Variants in COL10A1 observed in about 807,000 individuals in gnomAD.
COL10A1 encodes collagen type X alpha 1 chain, also known as collagen alpha-1(X) chain.
A neutral mutation model predicts 18.2 loss-of-function variants in COL10A1; 10 were observed. The ratio of observed to expected loss-of-function variants is 0.55; its 90% confidence interval spans 0.34 to 0.93. The LOEUF (loss-of-function observed/expected upper bound fraction) is 0.93, where lower values mean the gene tolerates loss of function less well. Among genes scored for constraint, COL10A1 ranks in the 40% least tolerant of loss-of-function variants. The pLI is 0.02. For synonymous variants in COL10A1, 330 were observed against 316.6 expected (o/e 1.04, Z -0.45); for missense variants, 897 against 853.5 (o/e 1.05, Z -0.64).
In COL10A1 at chr6:116,120,074, C is replaced by G; in HGVS notation, c.2042G>C (p.Ter681SerextTer7). The G allele has an allele frequency of 6.2e-7, 1 of 1,606,036 alleles. No individual in the cohort carries two copies. Among genetic ancestry groups the G allele is most frequent in the Non-Finnish European group, 8.5e-7 (1 of 1,173,604 alleles). The change falls in exon 3 of 3, where the codon TGA (stop) becomes TCA (serine). Residue 681 changes from the stop codon to serine, a stop_lost. Coordinates refer to ENST00000651968, the MANE Select transcript of COL10A1 (RefSeq NM_000493.4). ...GATTTAGATTAGCTCTGTGTGTACT[C>G]ACATTGGAGCCACTAGGAATCCTGA... is the stretch of plus-strand genomic sequence containing the variant. ...SFSGFLVAPM* is the reference protein window; with the variant it reads ...SFSGFLVAPMS
chr6:116,180,605 A>ACATT, the COL10A1 span, among the ~76,000 whole-genome samples: 1 of 152,102 alleles, frequency 6.6e-6, no homozygotes, highest in Admixed American at 6.6e-5. Flanking sequence ...AATAAGAAAT[A>ACATT]CATTCTCTAT....
chr6:116,128,558 T>C (rs1463668045), upstream of COL10A1, among the ~76,000 whole-genome samples: 3 of 152,200 alleles, frequency 2.0e-5, no homozygotes, highest in Admixed American at 1.3e-4. Flanking sequence ...AGCTTGCCTA[T>C]TCATTTGTAC....
chr6:116,156,853 C>G (rs1780207150), intron 1 of COL10A1, among the ~76,000 whole-genome samples: 1 of 152,122 alleles, frequency 6.6e-6, no homozygotes, highest in Admixed American at 6.5e-5. Context: ...ACCCCACGGC[C>G]CCATTACATC....
chr6:116,149,100 A>G (rs1779969457), intron 1 of COL10A1, among the ~76,000 whole-genome samples: 1 of 152,126 alleles, frequency 6.6e-6, no homozygotes, highest in Non-Finnish European at 1.5e-5. Context: ...TCATGGATAA[A>G]TTCAAGTGGA....
At chr6:116,124,594 G>A (rs905752541) in intron 2 of COL10A1, among the ~76,000 whole-genome samples, 1 of 152,190 alleles carries the variant, frequency 6.6e-6, no homozygotes, top group African/African-American at 2.4e-5. Flanking sequence ...AGAAGTAATA[G>A]CAACACTTAA....
At chr6:116,170,414 G>A in the COL10A1 span, among the ~76,000 whole-genome samples, 1 of 152,082 alleles carries the variant, frequency 6.6e-6, no homozygotes, top group Admixed American at 6.5e-5. Context: ...AGATTATCTA[G>A]CCACCATTTA....
rs1215472240 is a variant in COL10A1 at position 116,148,533 on chromosome 6, AT to A, written c.-16+10080del. On this transcript the variant is annotated intron_variant, in intron 1 of 1. Transcript: ENST00000418500. ...CTTAGGATCGTCACTGTGGATGTTG[AT>A]TTTCATTGTACTCAGAATGTGAACA... Among the ~76,000 whole-genome samples, 3 of 152,110 alleles carry A rather than the reference AT, an allele frequency of 2.0e-5. No homozygotes were observed. The East Asian group carries it at 5.8e-4, about 29-fold the overall frequency.
upstream of COL10A1, among the ~76,000 whole-genome samples, chr6:116,163,001 C>G (rs1002470819): frequency 2.6e-5 from 4 of 151,278 alleles, no homozygotes; most frequent in Non-Finnish European, 4.4e-5. Flanking sequence ...GCGGCAGGCA[C>G]TTATAGTCCC....
At chr6:116,130,820 A>G (rs1357130567), upstream of COL10A1, among the ~76,000 whole-genome samples, 11 of 152,088 alleles carry the variant, frequency 7.2e-5, no homozygotes, top group Non-Finnish European at 2.9e-5. Context: ...TCATTTGTTT[A>G]TTCCATGATA....
chr6:116,210,539 A>C, the COL10A1 span, among the ~76,000 whole-genome samples: 1 of 151,998 alleles, frequency 6.6e-6, no homozygotes, highest in African/African-American at 2.4e-5. Flanking sequence ...GCCTCTCTGT[A>C]TCTCGGATTT....
chr6:116,150,704 G>T (rs1780018128), intron 1 of COL10A1, among the ~76,000 whole-genome samples: 1 of 152,120 alleles, frequency 6.6e-6, no homozygotes, highest in African/African-American at 2.4e-5. Flanking sequence ...CAGTATTTTT[G>T]TAAGCTAGTT....
At position 116,151,605 on chromosome 6, in the gene COL10A1, G is replaced by A. The variant is rs189297159; in HGVS notation, c.-16+7009C>T. 2.6e-3 allele frequency among the ~76,000 whole-genome samples: 395 copies of A among 152,248 alleles called. 10 individuals carry two copies. In the South Asian group the frequency reaches 0.043, roughly 17 times the overall value. On this transcript the variant is annotated intron_variant, in intron 1 of 1. Coordinates refer to the COL10A1 transcript ENST00000418500. ...TTTAAAATTCACAGAGTTATCTCGA[G>A]AATGCAGTACATGCAAATAATGGCA...
intron 1 of COL10A1, among the ~76,000 whole-genome samples, chr6:116,142,990 T>C (rs1475615518): frequency 6.6e-6 from 1 of 152,228 alleles, no homozygotes; most frequent in East Asian, 1.9e-4. Flanking sequence ...GATAAAATTA[T>C]AGACATTATG....
chr6:116,127,226 G>A (rs2114316258), upstream of COL10A1, among the ~76,000 whole-genome samples: 1 of 152,192 alleles, frequency 6.6e-6, no homozygotes, highest in Non-Finnish European at 1.5e-5. Flanking sequence ...TTTGACCAGT[G>A]AATGAACTAA....
the COL10A1 span, among the ~76,000 whole-genome samples, chr6:116,192,307 A>G: frequency 2.0e-5 from 3 of 152,114 alleles, no homozygotes; most frequent in South Asian, 4.2e-4. Flanking sequence ...GGAGCTCTCA[A>G]TAAATATCAG....
At chr6:116,188,700 T>G in the COL10A1 span, among the ~76,000 whole-genome samples, 54 of 120,830 alleles carry the variant, frequency 4.5e-4, no homozygotes, top group Admixed American at 2.3e-3. Context: ...TCCTGGAAAT[T>G]TTCTACTTTT....
intron 1 of COL10A1, 29 bp from the exon 2 acceptor site, chr6:116,125,536 C>T: frequency 6.3e-7 from 1 of 1,596,090 alleles, no homozygotes; most frequent in South Asian, 1.1e-5. Context: ...TAACTTTATA[C>T]AGCATTGTTA....
chr6:116,144,835 A>G (rs892585684), intron 1 of COL10A1, among the ~76,000 whole-genome samples: 1 of 152,138 alleles, frequency 6.6e-6, no homozygotes, highest in African/African-American at 2.4e-5. Flanking sequence ...ACAAATATGC[A>G]TGATAGGAGA....
At chr6:116,170,703 C>T in the COL10A1 span, among the ~76,000 whole-genome samples, 1 of 152,314 alleles carries the variant, frequency 6.6e-6, no homozygotes, top group South Asian at 2.1e-4. Flanking sequence ...GCTGTACCTC[C>T]CTACCCCAAA....
Sources: gnomAD v4.1 joint callset for allele counts (sites outside exome capture counted in the v4.1 genomes callset) on GRCh38, gnomAD v4.1.1 for gene constraint, MANE v1.5 for transcripts, NCBI Gene and HGNC (gene_info 2026-07-23, HGNC 2026-07-21) for gene names.